Variants in STPG2 observed in about 807,000 individuals in gnomAD.
STPG2 encodes the protein sperm tail PG-rich repeat containing 2, also known as sperm-tail PG-rich repeat-containing protein 2.
Under a neutral mutation model 54.2 loss-of-function variants are expected in STPG2, and 56 were observed. The ratio of observed to expected loss-of-function variants is 1.03; its 90% CI spans 0.83 to 1.29. The LOEUF (loss-of-function observed/expected upper bound fraction) is 1.29. Ranked by LOEUF, STPG2 falls within the 50% of genes most tolerant of loss-of-function variation. STPG2 has a pLI of 0.00. For synonymous variants in STPG2, 200 were observed against 181.8 expected, an observed-to-expected ratio of 1.10 and a Z score of -0.81; for missense variants, 596 against 544.9, an observed-to-expected ratio of 1.09 and a Z score of -0.93.
intron 10 of STPG2, among the ~76,000 whole-genome samples, chr4:97,684,369 C>T (rs1029612571): frequency 6.6e-6 from 1 of 151,892 alleles, no homozygotes; most frequent in African/African-American, 2.4e-5. Flanking sequence ...GTGATCAAGG[C>T]AGTGTGGTAT....
At chr4:97,899,611 T>C (rs1731097954) in intron 8 of STPG2, among the ~76,000 whole-genome samples, 1 of 152,034 alleles carries the variant, frequency 6.6e-6, no homozygotes, top group African/African-American at 2.4e-5. Context: ...GTGGTAATAG[T>C]ACAAAAACAG....
chr4:97,529,728 G>T (rs1414988818), intron 4 of STPG2, among the ~76,000 whole-genome samples: 2 of 152,110 alleles, frequency 1.3e-5, no homozygotes, highest in African/African-American at 4.8e-5. Flanking sequence ...ATGTATCCAA[G>T]AATTTATCCA....
At chr4:97,809,442 A>G (rs1270736148) in intron 9 of STPG2, among the ~76,000 whole-genome samples, 2 of 152,178 alleles carry the variant, frequency 1.3e-5, no homozygotes, top group African/African-American at 2.4e-5. Flanking sequence ...CTATCAGTCC[A>G]TTTGACTTTA....
At chr4:97,949,262 G>C (rs1733369316) in intron 7 of STPG2, among the ~76,000 whole-genome samples, 1 of 151,940 alleles carries the variant, frequency 6.6e-6, no homozygotes, top group South Asian at 2.1e-4. Context: ...GTTTCCATTT[G>C]CATGGATTAA....
At chr4:97,486,860 A>C (rs867086998) in intron 4 of STPG2, among the ~76,000 whole-genome samples, 2 of 125,614 alleles carry the variant, frequency 1.6e-5, no homozygotes, top group Non-Finnish European at 1.7e-5. Flanking sequence ...TATGTATACA[A>C]ACACACACAC....
At chr4:97,853,296 T>G (rs1261760907) in intron 8 of STPG2, among the ~76,000 whole-genome samples, 1 of 152,152 alleles carries the variant, frequency 6.6e-6, no homozygotes, top group Non-Finnish European at 1.5e-5. Flanking sequence ...GAATGAAATA[T>G]ATTTTCAATA....
intron 5 of STPG2, among the ~76,000 whole-genome samples, chr4:98,074,879 C>T (rs1738111902): frequency 6.6e-6 from 1 of 152,140 alleles, no homozygotes; most frequent in African/African-American, 2.4e-5. Context: ...AGTTAAATAT[C>T]TTGATCAACT....
intron 7 of STPG2, among the ~76,000 whole-genome samples, chr4:97,965,755 C>T (rs1347540626): frequency 6.6e-6 from 1 of 152,194 alleles, no homozygotes; most frequent in Non-Finnish European, 1.5e-5. Context: ...CAAACTCCAA[C>T]AGACCTGCAG....
chr4:97,736,522 C>G (rs1387100090), intron 9 of STPG2, among the ~76,000 whole-genome samples: 1 of 152,160 alleles, frequency 6.6e-6, no homozygotes, highest in Non-Finnish European at 1.5e-5. Flanking sequence ...TGCGCTTTTC[C>G]AACGGGCTTA....
chr4:97,869,077 A>C (rs944455263), intron 8 of STPG2, among the ~76,000 whole-genome samples: 1 of 151,856 alleles, frequency 6.6e-6, no homozygotes, highest in East Asian at 1.9e-4. Flanking sequence ...AGAAACAAAG[A>C]AAGTTTGAAG....
At chr4:97,941,830 T>G (rs1254750045) in intron 8 of STPG2, among the ~76,000 whole-genome samples, 1 of 152,030 alleles carries the variant, frequency 6.6e-6, no homozygotes, top group Non-Finnish European at 1.5e-5. Context: ...CCCACCTGTT[T>G]GAAGTGTATT....
chr4:97,915,088 A>G (rs891090151), intron 8 of STPG2, among the ~76,000 whole-genome samples: 1 of 152,166 alleles, frequency 6.6e-6, no homozygotes, highest in Non-Finnish European at 1.5e-5. Context: ...CCAGGACAAC[A>G]TATTCTTAAT....
At chr4:97,634,570 G>A (rs549429275) in intron 10 of STPG2, among the ~76,000 whole-genome samples, 1 of 150,650 alleles carries the variant, frequency 6.6e-6, no homozygotes, top group East Asian at 2.0e-4. Context: ...CAAACCAAAG[G>A]CAAAGAAGTT....
At chr4:97,817,875 A>T (rs571249779) in intron 9 of STPG2, among the ~76,000 whole-genome samples, 1 of 151,958 alleles carries the variant, frequency 6.6e-6, no homozygotes, top group South Asian at 2.1e-4. Context: ...TTCAGATTTG[A>T]AGGTCAGTAG....
chr4:97,813,201 C>T (rs1026938522), intron 9 of STPG2, among the ~76,000 whole-genome samples: 5 of 151,872 alleles, frequency 3.3e-5, no homozygotes, highest in East Asian at 1.9e-4. Context: ...CCTTGAATAA[C>T]GCTAGGTATA....
intron 8 of STPG2, among the ~76,000 whole-genome samples, chr4:97,937,760 C>T (rs1464136748): frequency 6.6e-6 from 1 of 152,156 alleles, no homozygotes; most frequent in Non-Finnish European, 1.5e-5. Flanking sequence ...CCTGCTCTTT[C>T]CTCTGGGATC....
chr4:98,041,571 C>A (rs1000256536), intron 5 of STPG2, among the ~76,000 whole-genome samples: 1 of 151,936 alleles, frequency 6.6e-6, no homozygotes, highest in Non-Finnish European at 1.5e-5. Context: ...AATGCTGCTT[C>A]TGCATCTATT....
intron 5 of STPG2, among the ~76,000 whole-genome samples, chr4:98,033,641 A>C (rs2149301827): frequency 6.6e-6 from 1 of 152,096 alleles, no homozygotes; most frequent in Non-Finnish European, 1.5e-5. Flanking sequence ...CCTGGCAGAG[A>C]CAACAAAAAA....
chr4:97,834,301 T>G (rs1728567949), intron 9 of STPG2, among the ~76,000 whole-genome samples: 2 of 151,828 alleles, frequency 1.3e-5, no homozygotes, highest in Middle Eastern at 6.8e-3. Context: ...AAGTAGGAGG[T>G]GAACAATGAG....
Sources: gnomAD v4.1 joint callset for allele counts (sites outside exome capture counted in the v4.1 genomes callset) on GRCh38, gnomAD v4.1.1 for gene constraint, MANE v1.5 for transcripts, NCBI Gene and HGNC (gene_info 2026-07-23, HGNC 2026-07-21) for gene names.